The following ABL1 variants were observed in gnomAD, a reference collection of about 807,000 sequenced individuals.
The protein encoded by ABL1 is ABL proto-oncogene 1, non-receptor tyrosine kinase, also known as tyrosine-protein kinase ABL1.
ABL1 carries 11 observed loss-of-function variants against 94.7 expected under a neutral mutation model. That is an observed-to-expected ratio of 0.12 (90% CI 0.07 to 0.19). ABL1 has a LOEUF of 0.19. Among genes scored for constraint, ABL1 ranks in the 10% least tolerant of loss-of-function variants. The pLI is 1.00. For missense variants in ABL1, 1,082 were observed against 1,489.4 expected (o/e 0.73, Z 4.50); for synonymous variants, 656 against 622.4 (o/e 1.05, Z -0.80).
At chr9:130,830,647 G>A (rs548139569), upstream of ABL1, among the ~76,000 whole-genome samples, 23 of 152,308 alleles carry the variant, frequency 1.5e-4, no homozygotes, top group African/African-American at 5.1e-4. Context: ...TGAGATGTAG[G>A]CAGGAACACA....
chr9:130,853,650 G>A (rs1830923521), intron 1 of ABL1, among the ~76,000 whole-genome samples: 1 of 151,590 alleles, frequency 6.6e-6, no homozygotes, highest in Non-Finnish European at 1.5e-5. Flanking sequence ...CCTGAACTCA[G>A]GTGATCCACC....
rs772413000 is a variant in ABL1 at position 130,884,381 on chromosome 9, C to T, written c.2091C>T (p.Arg697=). ...WKKSSTLTSS[R]LATGEEEGGG... is the part of the protein sequence containing the mutation. ...AGTCCAGCACGCTGACCAGCAGCCG[C>T]CTAGCCACCGGCGAGGAGGAGGGCG... Residue 697 remains arginine, a synonymous_variant, in exon 11 of 11, where the codon CGC becomes CGT. Coordinates refer to ENST00000318560, the MANE Select transcript of ABL1 (RefSeq NM_005157.6). This position sits in a 1 kb window ranked among gnomAD's most constrained non-coding sequence, Gnocchi z 5.6. 1.2e-6 allele frequency: 2 copies of T among 1,612,018 alleles called. No homozygotes were observed. The highest frequency in any genetic ancestry group is 1.7e-6 in the Non-Finnish European group (2 of 1,179,840).
chr9:130,824,633 C>CCTAAGGGG (rs1830402382), intron 1 of ABL1, among the ~76,000 whole-genome samples: 1 of 152,126 alleles, frequency 6.6e-6, no homozygotes, highest in Non-Finnish European at 1.5e-5. Flanking sequence ...TAGGCACCAG[C>CCTAAGGGG]TCGTAGGAGG....
At chr9:130,786,930 AC>A (rs34181218) in intron 1 of ABL1, among the ~76,000 whole-genome samples, 26,429 of 152,052 alleles carry the variant, frequency 0.17, 2,607 homozygotes, top group African/African-American at 0.27. Context: ...CTAAATCACG[AC>A]TTTTATTTCT....
At chr9:130,776,772 AT>A (rs1486218764) in intron 1 of ABL1, among the ~76,000 whole-genome samples, 1 of 151,838 alleles carries the variant, frequency 6.6e-6, no homozygotes, top group African/African-American at 2.4e-5. Context: ...TTTGGTTTTA[AT>A]TTGAGACGGG....
intron 1 of ABL1, among the ~76,000 whole-genome samples, chr9:130,806,446 T>G (rs1830126441): frequency 1.3e-5 from 2 of 152,176 alleles, no homozygotes; most frequent in Admixed American, 1.3e-4. Flanking sequence ...CCATATTGCA[T>G]TTAAGCTTGT....
intron 1 of ABL1, among the ~76,000 whole-genome samples, chr9:130,842,810 G>A (rs1419810236): frequency 6.6e-6 from 1 of 152,250 alleles, no homozygotes; most frequent in Non-Finnish European, 1.5e-5. Context: ...CAGGCTGACT[G>A]TGGACAGTCT....
At chr9:130,830,779 A>T (rs975604685), upstream of ABL1, among the ~76,000 whole-genome samples, 1 of 152,194 alleles carries the variant, frequency 6.6e-6, no homozygotes, top group Non-Finnish European at 1.5e-5. Flanking sequence ...CTGTGAGATA[A>T]CTACTCTTAT....
chr9:130,845,851 ACT>A (rs1295498600), intron 1 of ABL1, among the ~76,000 whole-genome samples: 3 of 148,006 alleles, frequency 2.0e-5, no homozygotes, highest in Non-Finnish European at 3.0e-5. Flanking sequence ...CAAGAGCAAA[ACT>A]CTATCTAAAA....
intron 1 of ABL1, among the ~76,000 whole-genome samples, chr9:130,787,681 C>T (rs953094986): frequency 6.6e-6 from 1 of 152,158 alleles, no homozygotes; most frequent in African/African-American, 2.4e-5. Flanking sequence ...TCACGAGCAC[C>T]TGGTAGTGGC....
At chr9:130,828,771 G>T (rs1046739850) in intron 1 of ABL1, among the ~76,000 whole-genome samples, 9 of 151,998 alleles carry the variant, frequency 5.9e-5, no homozygotes, top group African/African-American at 1.9e-4. Flanking sequence ...CTTTTTGTAG[G>T]AATTCCAGAA....
At chr9:130,784,088 C>G (rs1829794226) in intron 1 of ABL1, among the ~76,000 whole-genome samples, 1 of 150,780 alleles carries the variant, frequency 6.6e-6, no homozygotes, top group Non-Finnish European at 1.5e-5. Context: ...TTAATTGATT[C>G]TAAAATGTAC....
At chr9:130,875,290 C>G (rs1268673515) in intron 7 of ABL1, among the ~76,000 whole-genome samples, 1 of 151,932 alleles carries the variant, frequency 6.6e-6, no homozygotes, top group Admixed American at 6.6e-5. Context: ...TATAGGCACC[C>G]GCCACCACAC....
Position 130,885,641 on chromosome 9 carries a change from C to T in ABL1, c.3351C>T (p.Leu1117=), listed in dbSNP as rs974689146. The T allele has an allele frequency of 1.9e-6, 3 of 1,613,124 alleles. No homozygotes were observed. Among genetic ancestry groups the T allele is most frequent in the Admixed American group, 1.7e-5 (1 of 60,026 alleles). ...CGGCCACTCAGGACTTCAGCAAGCT[C>T]CTCAGTTCGGTGAAGGAAATCAGTG... ...GPAATQDFSK[L]LSSVKEISDI... is the part of the protein sequence containing the mutation. Residue 1117 remains leucine, a synonymous_variant, in exon 11 of 11, where the codon CTC becomes CTT. Transcript: ENST00000318560.
chr9:130,800,280 C>T (rs1830038013), intron 1 of ABL1, among the ~76,000 whole-genome samples: 1 of 151,950 alleles, frequency 6.6e-6, no homozygotes. Context: ...ATAATATCCA[C>T]CCATTTTTAA....
chr9:130,748,067 G>T (rs552064531), intron 1 of ABL1, among the ~76,000 whole-genome samples: 63 of 152,176 alleles, frequency 4.1e-4, no homozygotes, highest in African/African-American at 1.5e-3. Context: ...GGCTATTGTC[G>T]GTATTTTTAA....
In ABL1 at chr9:130,758,559, A is replaced by C. The variant is rs546437277; in HGVS notation, c.136+44104A>C. Among the ~76,000 whole-genome samples, 9 of 152,226 alleles carry C rather than the reference A, an allele frequency of 5.9e-5. No homozygotes were observed. The East Asian group carries it at 1.7e-3, about 29-fold the overall frequency. ...GCAATTCTCCTGCCTCAGCCTCCCAAGTAGCTGAGATTACAGGCGTGCGCC... is the reference window on the plus strand; with the variant it reads ...GCAATTCTCCTGCCTCAGCCTCCCACGTAGCTGAGATTACAGGCGTGCGCC... On this transcript the variant is annotated intron_variant, in intron 1 of 10. Coordinates refer to the ABL1 transcript ENST00000372348.
chr9:130,827,038 A>C (rs538104462), intron 1 of ABL1, among the ~76,000 whole-genome samples: 4 of 152,218 alleles, frequency 2.6e-5, no homozygotes, highest in African/African-American at 9.6e-5. Flanking sequence ...AGATGGCGCC[A>C]CTGCACTCCA....
chr9:130,745,058 G>C (rs528629599), intron 1 of ABL1, among the ~76,000 whole-genome samples: 117 of 151,786 alleles, frequency 7.7e-4, no homozygotes, highest in Middle Eastern at 3.4e-3. Flanking sequence ...TGGTGAGAAG[G>C]GTGTTATCCC....
Sources: gnomAD v4.1 joint callset for allele counts (sites outside exome capture counted in the v4.1 genomes callset) on GRCh38, gnomAD v4.1.1 for gene constraint, Gnocchi (gnomAD v3.1) non-coding constraint, MANE v1.5 for transcripts, NCBI Gene and HGNC (gene_info 2026-07-23, HGNC 2026-07-21) for gene names.